Variants in ART3 observed in about 807,000 individuals in gnomAD.
ART3 encodes the protein ecto-ADP-ribosyltransferase 3.
ART3 carries 49 observed loss-of-function variants against 48.5 expected under a neutral mutation model. The ratio of observed to expected loss-of-function variants is 1.01; its 90% confidence interval spans 0.80 to 1.28. The LOEUF is 1.28. ART3 is among the 50% of genes most tolerant of loss of function. The pLI is 0.00. For synonymous variants in ART3, 145 were observed against 157.2 expected (o/e 0.92, Z 0.58); for missense variants, 438 against 454.3 (o/e 0.96, Z 0.33).
intron 1 of ART3, chr4:76,022,967 T>G (rs1034228137): frequency 1.2e-5 from 9 of 766,642 alleles, no homozygotes; most frequent in Non-Finnish European, 1.9e-5. Context: ...ATAACACAAC[T>G]GTAAATGATT....
intron 5 of ART3, chr4:76,099,541 C>CT (rs1356706801): frequency 6.1e-6 from 1 of 163,494 alleles, no homozygotes; most frequent in African/African-American, 2.4e-5. Context: ...GAATGAAGAG[C>CT]TAGAGTCATT....
intron 1 of ART3, among the ~76,000 whole-genome samples, chr4:76,013,172 T>G (rs1041940131): frequency 3.9e-5 from 6 of 152,192 alleles, no homozygotes; most frequent in African/African-American, 1.4e-4. Context: ...CTGTCTGAGT[T>G]AGGTCTGAAA....
chr4:76,086,677 A>G (rs937580965), intron 3 of ART3, among the ~76,000 whole-genome samples: 4 of 152,242 alleles, frequency 2.6e-5, no homozygotes, highest in African/African-American at 9.6e-5. Flanking sequence ...TTTACTATCC[A>G]TATGTATTTC....
rs553213234 is a variant in ART3, at chr4:76,092,563, T to C, written c.782-5081T>C. 5.0e-4 allele frequency among the ~76,000 whole-genome samples: 76 copies of C among 152,356 alleles called. 1 individual carries two copies. The South Asian group carries it at 0.013, about 27-fold the overall frequency. ...TCCCCACTGGCTGCTTTTAAGACTT[T>C]GTGTTTATCATACTTATTTGGACCA... On this transcript the variant is annotated intron_variant, in intron 3 of 11. Coordinates refer to ENST00000355810, the MANE Select transcript of ART3 (RefSeq NM_001130016.3).
chr4:76,087,055 C>T (rs1228526987), intron 3 of ART3, among the ~76,000 whole-genome samples: 1 of 152,154 alleles, frequency 6.6e-6, no homozygotes, highest in African/African-American at 2.4e-5. Flanking sequence ...ATGCCTTTGG[C>T]CAGATGCCGT....
rs571335118 is a variant in ART3, at chr4:76,084,800, AT to A, written c.781+2267del. Among the ~76,000 whole-genome samples, 43 of 152,240 alleles carry A rather than the reference AT, an allele frequency of 2.8e-4. No homozygotes were observed. The South Asian group carries it at 8.5e-3, about 30-fold the overall frequency. On this transcript the variant is annotated intron_variant, in intron 3 of 11. Transcript: ENST00000355810. ...GGTAAAGTGCATCTGAGCTGGGAGG[AT>A]TGTGAATGAACTATAAATACTTGAG...
intron 1 of ART3, among the ~76,000 whole-genome samples, chr4:76,065,207 T>C (rs145395249): frequency 2.4e-4 from 37 of 152,288 alleles, no homozygotes; most frequent in African/African-American, 8.7e-4. Flanking sequence ...ACCACAAAGT[T>C]CAAAAACAAA....
In ART3 at chr4:76,047,126, C is replaced by T. The variant is rs953141190; in HGVS notation, c.-9-28755C>T. On this transcript the variant is annotated intron_variant, in intron 1 of 9. Transcript: ENST00000341029. ...ATTGCCTCAGCATAGTGGACATGGA[C>T]GAGGGGGCAGCTTGTTTCTCATTGG... Among the ~76,000 whole-genome samples the T allele has an allele frequency of 1.4e-4, 21 of 151,926 alleles. 1 individual carries two copies. The highest frequency in any genetic ancestry group is 1.9e-4 in the African/African-American group (8 of 41,392).
Position 76,022,704 on chromosome 4 carries a change from G to T in ART3, c.-10+11384G>T, listed in dbSNP as rs756286152. ...GATTTCACTCACATGATCTCAACAC[G>T]TGGACAAAATTGGCTTGCAGGAATA... On this transcript the variant is annotated intron_variant, in intron 1 of 9. Coordinates refer to the ART3 transcript ENST00000341029. 1.5e-5 allele frequency: 25 copies of T among 1,613,590 alleles called. 1 individual carries two copies. The East Asian group carries it at 4.7e-4, about 30-fold the overall frequency.
At chr4:76,087,386 G>GTCAGGA (rs1174136230) in intron 3 of ART3, among the ~76,000 whole-genome samples, 1 of 152,136 alleles carries the variant, frequency 6.6e-6, no homozygotes, top group African/African-American at 2.4e-5. Context: ...GAGATGGAAA[G>GTCAGGA]TCAGGATCAA....
At chr4:76,029,452 T>C (rs1733687250) in intron 1 of ART3, among the ~76,000 whole-genome samples, 1 of 152,208 alleles carries the variant, frequency 6.6e-6, no homozygotes, top group Non-Finnish European at 1.5e-5. Flanking sequence ...ATGGTTTCAG[T>C]GTTATGTGAT....
At chr4:76,093,524 GA>G (rs1361258327) in intron 3 of ART3, among the ~76,000 whole-genome samples, 1 of 152,132 alleles carries the variant, frequency 6.6e-6, no homozygotes. Context: ...CCACTTTTAA[GA>G]ATTTATGTTA....
intron 1 of ART3, among the ~76,000 whole-genome samples, chr4:76,066,811 TC>T (rs1719779583): frequency 1.3e-5 from 2 of 152,120 alleles, no homozygotes; most frequent in Admixed American, 6.5e-5. Context: ...GGACTCTGCC[TC>T]CTACTACTCA....
At chr4:76,091,378 T>G (rs1442888483) in intron 3 of ART3, among the ~76,000 whole-genome samples, 3 of 152,236 alleles carry the variant, frequency 2.0e-5, no homozygotes, top group African/African-American at 7.2e-5. Context: ...GTATAAGAGT[T>G]CTAGCTATAC....
intron 5 of ART3, chr4:76,099,226 T>C: frequency 2.2e-6 from 1 of 452,620 alleles, no homozygotes; most frequent in Non-Finnish European, 4.1e-6. Flanking sequence ...CACTTGAGTC[T>C]GGGAGGCAGA....
chr4:76,095,578 C>T (rs922184479), intron 3 of ART3, among the ~76,000 whole-genome samples: 8 of 152,130 alleles, frequency 5.3e-5, no homozygotes, highest in Non-Finnish European at 1.0e-4. Context: ...AAATTTTGTG[C>T]ATAAAAATCA....
chr4:76,103,796 T>C (rs1031721565), intron 8 of ART3, 141 bp from the exon 9 acceptor site: 7 of 695,618 alleles, frequency 1.0e-5, no homozygotes, highest in African/African-American at 9.1e-5. Context: ...AAGGTGTTTT[T>C]GTTGTTGCTG....
At chr4:76,098,058 T>G (rs1726409750) in intron 4 of ART3, among the ~76,000 whole-genome samples, 1 of 152,200 alleles carries the variant, frequency 6.6e-6, no homozygotes, top group South Asian at 2.1e-4. Context: ...CCTGTTCCTG[T>G]ATTTTGTTAT....
intron 3 of ART3, among the ~76,000 whole-genome samples, chr4:76,082,915 A>G (rs1479380163): frequency 6.6e-6 from 1 of 151,842 alleles, no homozygotes; most frequent in African/African-American, 2.4e-5. Flanking sequence ...CACACAACAA[A>G]GAATTATATG....
Sources: allele counts gnomAD v4.1 joint callset (sites outside exome capture counted in the v4.1 genomes callset), GRCh38; gene constraint gnomAD v4.1.1; transcripts MANE v1.5; gene names NCBI Gene and HGNC (gene_info 2026-07-23, HGNC 2026-07-21).